The following SMG6 variants were observed in gnomAD, a reference collection of about 807,000 sequenced individuals.
SMG6 encodes SMG6 nonsense mediated mRNA decay factor, also known as telomerase-binding protein EST1A.
In SMG6, 66 loss-of-function variants were observed where a neutral mutation model predicts 142.2. The observed-to-expected ratio is 0.46, with a 90% CI of 0.38 to 0.57. The LOEUF (loss-of-function observed/expected upper bound fraction) is 0.57, where lower values mean the gene tolerates loss of function less well. SMG6 is among the 20% of genes least tolerant of loss of function. The pLI is 0.00. For missense variants in SMG6, 1,793 were observed against 1,832.0 expected, an observed-to-expected ratio of 0.98 and a Z score of 0.39; for synonymous variants, 779 against 702.4, an observed-to-expected ratio of 1.11 and a Z score of -1.72.
intron 13 of SMG6, among the ~76,000 whole-genome samples, chr17:2,167,575 T>C (rs950308527): frequency 2.6e-5 from 4 of 152,216 alleles, no homozygotes; most frequent in African/African-American, 9.6e-5. Context: ...TCAACAAAAC[T>C]CAAGAACTCT....
intron 8 of SMG6, among the ~76,000 whole-genome samples, chr17:2,258,394 A>G (rs938933097): frequency 6.6e-6 from 1 of 151,816 alleles, no homozygotes; most frequent in Non-Finnish European, 1.5e-5. Flanking sequence ...CATCTCTACT[A>G]AAATCACAAA....
intron 13 of SMG6, among the ~76,000 whole-genome samples, chr17:2,124,737 C>T (rs1439647866): frequency 6.6e-6 from 1 of 152,164 alleles, no homozygotes; most frequent in African/African-American, 2.4e-5. Flanking sequence ...CTTCCGCATC[C>T]TACCATTACT....
chr17:2,248,514 C>A (rs902346277), intron 8 of SMG6, among the ~76,000 whole-genome samples: 13 of 152,144 alleles, frequency 8.5e-5, no homozygotes, highest in African/African-American at 3.1e-4. Context: ...GGAGATGAAG[C>A]CCACCTAATT....
At chr17:2,138,852 C>T (rs1383654946) in intron 13 of SMG6, among the ~76,000 whole-genome samples, 2 of 152,198 alleles carry the variant, frequency 1.3e-5, no homozygotes, top group African/African-American at 2.4e-5. Flanking sequence ...AAATGTATTT[C>T]ATAGAGCAAG....
chr17:2,121,631 GT>G (rs2069701930), intron 13 of SMG6, among the ~76,000 whole-genome samples: 1 of 66,960 alleles, frequency 1.5e-5, no homozygotes, highest in Non-Finnish European at 3.0e-5. Context: ...GTGTGTGTGT[GT>G]GTGTGTGTGT....
intron 8 of SMG6, among the ~76,000 whole-genome samples, chr17:2,250,559 T>C (rs1283544202): frequency 6.6e-6 from 1 of 151,976 alleles, no homozygotes; most frequent in East Asian, 1.9e-4. Flanking sequence ...GGCTAGTTTT[T>C]TATTTTTTGT....
chr17:2,249,040 C>T (rs1438975092), intron 8 of SMG6, among the ~76,000 whole-genome samples: 1 of 151,692 alleles, frequency 6.6e-6, no homozygotes, highest in Non-Finnish European at 1.5e-5. Flanking sequence ...GCGCCCGCCA[C>T]CACGCCCCGT....
At chr17:2,225,258 A>C (rs2073282923) in intron 10 of SMG6, among the ~76,000 whole-genome samples, 1 of 151,826 alleles carries the variant, frequency 6.6e-6, no homozygotes, top group Non-Finnish European at 1.5e-5. Context: ...TGGGGAGATC[A>C]CTTGAGGTCA....
chr17:2,184,776 C>T (rs1433316691), intron 12 of SMG6, among the ~76,000 whole-genome samples: 1 of 149,764 alleles, frequency 6.7e-6, no homozygotes, highest in African/African-American at 2.5e-5. Flanking sequence ...ACCAGCCTGG[C>T]CCACGTGGTA....
intron 6 of SMG6, among the ~76,000 whole-genome samples, chr17:2,289,877 C>T (rs776411972): frequency 6.6e-6 from 1 of 150,964 alleles, no homozygotes; most frequent in Non-Finnish European, 1.5e-5. Flanking sequence ...TACTGCAGCG[C>T]TGCACTCCGG....
At chr17:2,206,730 G>A (rs1597599400) in intron 10 of SMG6, among the ~76,000 whole-genome samples, 1 of 151,698 alleles carries the variant, frequency 6.6e-6, no homozygotes, top group East Asian at 1.9e-4. Context: ...TCTACTACAA[G>A]TACAAAAATT....
At chr17:2,094,630 C>G (rs556307398) in intron 13 of SMG6, among the ~76,000 whole-genome samples, 5 of 152,206 alleles carry the variant, frequency 3.3e-5, no homozygotes, top group Non-Finnish European at 7.3e-5. Context: ...AGGAATCCCA[C>G]TGCCTTAGCC....
At chr17:2,267,689 G>C (rs946292725) in intron 8 of SMG6, among the ~76,000 whole-genome samples, 8 of 151,354 alleles carry the variant, frequency 5.3e-5, no homozygotes, top group African/African-American at 1.9e-4. Flanking sequence ...AGAGAACCAG[G>C]CCAAAAGCTT....
intron 13 of SMG6, among the ~76,000 whole-genome samples, chr17:2,092,121 G>C (rs1189894157): frequency 6.6e-6 from 1 of 152,066 alleles, no homozygotes; most frequent in African/African-American, 2.4e-5. Context: ...GAGTAGCTGG[G>C]ATTACAGGTG....
chr17:2,191,214 G>A (rs993649393), intron 10 of SMG6, among the ~76,000 whole-genome samples: 2 of 152,242 alleles, frequency 1.3e-5, no homozygotes, highest in African/African-American at 4.8e-5. Flanking sequence ...TAAGTGCACA[G>A]CATCTTCATG....
In SMG6 at chr17:2,068,710, C is replaced by A; in HGVS notation, c.3835+68G>T. ...GGCTCTGCCTGCCTGGCCCCCAGGCCGTGGGGCGTGTGTGGAGGGGGCTGC... is the reference window on the plus strand; with the variant it reads ...GGCTCTGCCTGCCTGGCCCCCAGGCAGTGGGGCGTGTGTGGAGGGGGCTGC... On this transcript the variant is annotated intron_variant, in intron 16 of 18. Coordinates refer to ENST00000263073, the MANE Select transcript of SMG6 (RefSeq NM_017575.5). The surrounding 1 kb of genome is among the most constrained non-coding windows in gnomAD (Gnocchi z 6.7). The A allele has an allele frequency of 2.0e-6, 3 of 1,534,720 alleles. No homozygotes were observed. Among genetic ancestry groups the A allele is most frequent in the Non-Finnish European group, 2.7e-6 (3 of 1,129,246 alleles).
At chr17:2,065,775 C>T (rs2067925050) in intron 16 of SMG6, 96 bp from the exon 17 acceptor site, 1 of 1,032,086 alleles carries the variant, frequency 9.7e-7, no homozygotes, top group Non-Finnish European at 1.4e-6. Flanking sequence ...CCTTCCCAGA[C>T]CAGAATCCAT....
At position 2,266,092 on chromosome 17, in the gene SMG6, T is replaced by C. The variant is rs1010425901; in HGVS notation, c.2661+16555A>G. On this transcript the variant is annotated intron_variant, in intron 8 of 18. Transcript: ENST00000263073. ...CCCCTCTTCAGGATCTAGTACTTTC[T>C]GTTCACCATGCGTGCCACTCAAAGT... 13 of 985,282 alleles carry C rather than the reference T, an allele frequency of 1.3e-5. No homozygotes were observed. In the African/African-American group the frequency reaches 2.1e-4, roughly 16 times the overall value. 61.0% of individuals were successfully genotyped at this position (985,282 alleles called of 1,614,324 possible).
chr17:2,278,179 A>T (rs1567741491), intron 8 of SMG6, among the ~76,000 whole-genome samples: 1 of 152,034 alleles, frequency 6.6e-6, no homozygotes, highest in East Asian at 1.9e-4. Context: ...AGGAAAGAAT[A>T]CAAGTGACTG....
Sources: allele counts gnomAD v4.1 joint callset (sites outside exome capture counted in the v4.1 genomes callset), GRCh38; gene constraint gnomAD v4.1.1; non-coding constraint Gnocchi (gnomAD v3.1); transcripts MANE v1.5; gene names NCBI Gene and HGNC (gene_info 2026-07-23, HGNC 2026-07-21).